CLSTN2: variants seen among roughly 807,000 people sequenced by gnomAD.
CLSTN2 encodes calsyntenin 2, also known as calsyntenin-2.
In CLSTN2, 48 loss-of-function variants were observed where a neutral mutation model predicts 101.2. That is an observed-to-expected ratio of 0.47 (90% CI 0.38 to 0.60). The LOEUF is 0.60. Ranked by LOEUF, CLSTN2 falls within the 20% of genes least tolerant of loss-of-function variation. The pLI, the probability that CLSTN2 is intolerant of heterozygous loss-of-function variation, is 0.00. For synonymous variants in CLSTN2, 481 were observed against 463.6 expected, an observed-to-expected ratio of 1.04 and a Z score of -0.48; for missense variants, 1,160 against 1,238.2, an observed-to-expected ratio of 0.94 and a Z score of 0.95.
intron 5 of CLSTN2, among the ~76,000 whole-genome samples, chr3:140,436,676 G>A (rs1041938353): frequency 1.6e-4 from 25 of 152,198 alleles, no homozygotes; most frequent in African/African-American, 5.5e-4. Context: ...GTGGGGCCCC[G>A]GCAGGTGTGG....
chr3:140,427,045 G>T (rs1253941803), intron 5 of CLSTN2, among the ~76,000 whole-genome samples: 1 of 144,532 alleles, frequency 6.9e-6, no homozygotes, highest in African/African-American at 2.9e-5. Context: ...GCATGGTGGT[G>T]CATGCCTGCA....
At chr3:140,082,089 AG>A (rs1380500166) in intron 1 of CLSTN2, among the ~76,000 whole-genome samples, 2 of 152,326 alleles carry the variant, frequency 1.3e-5, no homozygotes, top group Non-Finnish European at 2.9e-5. Context: ...GAGTGGACCA[AG>A]GACTGCTTCT....
At chr3:140,445,175 A>G (rs1430317582) in intron 5 of CLSTN2, among the ~76,000 whole-genome samples, 4 of 152,198 alleles carry the variant, frequency 2.6e-5, no homozygotes, top group African/African-American at 9.6e-5. Context: ...GCGGCCAGAG[A>G]GGGCCCTGCC....
intron 2 of CLSTN2, among the ~76,000 whole-genome samples, chr3:140,179,639 A>G (rs983114757): frequency 0.018 from 2,700 of 148,938 alleles, 155 homozygotes; most frequent in African/African-American, 0.064. Context: ...AAAAAAAAAA[A>G]AAAAAAAAAA....
At chr3:140,251,046 A>C (rs2086559576) in intron 2 of CLSTN2, among the ~76,000 whole-genome samples, 1 of 152,300 alleles carries the variant, frequency 6.6e-6, no homozygotes, top group African/African-American at 2.4e-5. Flanking sequence ...TGCCAAGCAT[A>C]TGTTGGCCGC....
intron 1 of CLSTN2, among the ~76,000 whole-genome samples, chr3:140,135,385 CAG>C (rs1265184712): frequency 6.6e-6 from 1 of 151,964 alleles, no homozygotes; most frequent in African/African-American, 2.4e-5. Context: ...CACTTTTTCT[CAG>C]TGTAATCCTT....
intron 7 of CLSTN2, among the ~76,000 whole-genome samples, chr3:140,462,257 A>C (rs1439985335): frequency 2.0e-5 from 3 of 152,220 alleles, no homozygotes; most frequent in Non-Finnish European, 2.9e-5. Context: ...TCCATGTGAT[A>C]AAATATTTTT....
At chr3:139,998,335 C>CTTTTTTTTTTTT (rs1290360293) in intron 1 of CLSTN2, among the ~76,000 whole-genome samples, 3 of 20,434 alleles carry the variant, frequency 1.5e-4, no homozygotes, top group African/African-American at 2.3e-4. Flanking sequence ...CCCCCACATG[C>CTTTTTTTTTTTT]CTTTTTTTTT....
At position 140,020,266 on chromosome 3, in the gene CLSTN2, C is replaced by T. The variant is rs150369992; in HGVS notation, c.109+84783C>T. Among the ~76,000 whole-genome samples the T allele has an allele frequency of 4.6e-3, 698 of 152,290 alleles. 3 individuals are homozygous for T. Among genetic ancestry groups the T allele is most frequent in the African/African-American group, 0.016 (673 of 41,562 alleles). ...ACCCAGCATGGGTGTTCAACACTAT[C>T]TGGTGACTCTGTGAGAAGACCCTAT... On this transcript the variant is annotated intron_variant, in intron 1 of 16. Transcript: ENST00000458420.
intron 2 of CLSTN2, among the ~76,000 whole-genome samples, chr3:140,390,898 T>C (rs891900583): frequency 5.3e-5 from 8 of 152,366 alleles, no homozygotes; most frequent in African/African-American, 1.9e-4. Flanking sequence ...TGAATTGTTA[T>C]AATGAAAACA....
intron 8 of CLSTN2, among the ~76,000 whole-genome samples, chr3:140,512,389 C>T (rs1934832694): frequency 6.6e-6 from 1 of 152,146 alleles, no homozygotes; most frequent in Non-Finnish European, 1.5e-5. Flanking sequence ...TTCCCCATTG[C>T]TTGTTTTTCT....
chr3:140,532,473 C>T lies in CLSTN2; in HGVS notation c.1494C>T (p.Gly498=), dbSNP rs185070184. 1.7e-5 allele frequency: 28 copies of T among 1,612,576 alleles called. No individual in the cohort carries two copies. Among genetic ancestry groups the T allele is most frequent in the Middle Eastern group, 3.3e-4 (2 of 6,058 alleles). ...ACATAGCCATGCAACTCACAGTCGG[C>T]GCTTGTTGGCAAGGTAATCCTAAGT... ...PSHIAMQLTV[G]ACWQGGEVTK... is the part of the protein sequence containing the mutation. The change falls in exon 9 of 17, where the codon GGC becomes GGT. Residue 498 remains glycine (G), a synonymous_variant. Coordinates refer to ENST00000458420, the MANE Select transcript of CLSTN2 (RefSeq NM_022131.3).
chr3:140,152,769 A>G (rs2009887669), intron 1 of CLSTN2, among the ~76,000 whole-genome samples: 1 of 152,204 alleles, frequency 6.6e-6, no homozygotes, highest in Admixed American at 6.5e-5. Context: ...TCTGCTTTAC[A>G]GGTACTCCCC....
chr3:140,559,418 C>G (rs929567776), intron 12 of CLSTN2, among the ~76,000 whole-genome samples: 1 of 152,086 alleles, frequency 6.6e-6, no homozygotes, highest in Non-Finnish European at 1.5e-5. Flanking sequence ...ACTCTAAGCT[C>G]TCAGGAAACT....
intron 8 of CLSTN2, among the ~76,000 whole-genome samples, chr3:140,502,010 T>G (rs1414270966): frequency 6.6e-6 from 1 of 152,180 alleles, no homozygotes; most frequent in African/African-American, 2.4e-5. Flanking sequence ...TCAGTCTATT[T>G]GTAAAATGGA....
intron 2 of CLSTN2, among the ~76,000 whole-genome samples, chr3:140,348,111 G>T (rs2087567802): frequency 6.6e-6 from 1 of 152,190 alleles, no homozygotes. Flanking sequence ...ACCAATTGTG[G>T]TCAAGTATGG....
intron 9 of CLSTN2, among the ~76,000 whole-genome samples, chr3:140,545,347 G>A (rs1559900450): frequency 6.6e-6 from 1 of 152,186 alleles, no homozygotes; most frequent in Non-Finnish European, 1.5e-5. Context: ...GGAAGCTGCT[G>A]GCCAGGTGTT....
At chr3:140,433,642 G>A (rs190114734) in intron 5 of CLSTN2, among the ~76,000 whole-genome samples, 21 of 152,328 alleles carry the variant, frequency 1.4e-4, no homozygotes, top group Admixed American at 1.3e-3. Flanking sequence ...CATTGGATAA[G>A]TCAGTGAACC....
chr3:140,342,231 G>A (rs1201547957), intron 2 of CLSTN2, among the ~76,000 whole-genome samples: 5 of 152,078 alleles, frequency 3.3e-5, no homozygotes. Context: ...ACCGTCCTGT[G>A]TATTGCAAGA....
Sources: allele counts gnomAD v4.1 joint callset (sites outside exome capture counted in the v4.1 genomes callset), GRCh38; gene constraint gnomAD v4.1.1; transcripts MANE v1.5; gene names NCBI Gene and HGNC (gene_info 2026-07-23, HGNC 2026-07-21).